The following GNAO1 variants were observed in gnomAD, a reference collection of about 807,000 sequenced individuals.
The protein encoded by GNAO1 is G protein subunit alpha o1.
For missense variants in GNAO1, 166 were observed against 478.7 expected, an observed-to-expected ratio of 0.35 and a Z score of 6.10; for synonymous variants, 164 against 180.7, an observed-to-expected ratio of 0.91 and a Z score of 0.74.
chr16:56,255,805 T>G (rs1285371487), intron 2 of GNAO1, among the ~76,000 whole-genome samples: 3 of 152,190 alleles, frequency 2.0e-5, no homozygotes, highest in Non-Finnish European at 4.4e-5. Flanking sequence ...TCTGTTATCT[T>G]TTCCCTTATA....
intron 8 of GNAO1, 40 bp downstream of exon 8, chr16:56,355,121 C>T (rs1171657634): frequency 5.2e-5 from 42 of 812,020 alleles, no homozygotes; most frequent in South Asian, 3.8e-4. Context: ...TGCGTGCGCG[C>T]GCATACACAC....
At chr16:56,226,632 G>A (rs2036535483) in intron 2 of GNAO1, 1 of 152,212 alleles carries the variant, frequency 6.6e-6, no homozygotes, top group Admixed American at 6.5e-5. Context: ...AAATGGTTTT[G>A]CTCTGGCCAT....
chr16:56,347,798 C>T, intron 6 of GNAO1: 1 of 966,256 alleles, frequency 1.0e-6, no homozygotes, highest in Non-Finnish European at 1.2e-6. Flanking sequence ...TCTCCCCTCC[C>T]CTCCACACCT....
In GNAO1 at chr16:56,328,653, A is replaced by G; in HGVS notation, c.326A>G (p.Asp109Gly). ...ERKADAKMVC[D>G]VVSRMEDTEP... is the part of the protein sequence containing the mutation. Reference sequence around the variant, plus strand: ...CAGGCTGACGCCAAGATGGTGTGTGATGTGGTGAGTCGGATGGAAGACACC... The same window carrying G: ...CAGGCTGACGCCAAGATGGTGTGTGGTGTGGTGAGTCGGATGGAAGACACC... Residue 109 changes from aspartate (D) to glycine (G), a missense_variant, in exon 4 of 9, where the codon GAT becomes GGT. Asp to Gly is a moderately conservative substitution (Grantham distance 94). Coordinates refer to ENST00000262493, the MANE Select transcript of GNAO1 (RefSeq NM_020988.3). 6.2e-7 allele frequency: 1 copy of G among 1,614,034 alleles called. No individual in the cohort carries two copies. The highest frequency in any genetic ancestry group is 8.5e-7 in the Non-Finnish European group (1 of 1,179,930).
Position 56,351,637 on chromosome 16 carries a change from G to A in GNAO1, c.877+100G>A. ...CGGCCAGCACTGCTGGGGCTAGCTGGCGAGCGGGACCCATTGCAGGAGACT... is the reference window on the plus strand; with the variant it reads ...CGGCCAGCACTGCTGGGGCTAGCTGACGAGCGGGACCCATTGCAGGAGACT... On this transcript the variant is annotated intron_variant, in intron 7 of 8. Coordinates refer to ENST00000262493, the MANE Select transcript of GNAO1 (RefSeq NM_020988.3). This position sits in a 1 kb window ranked among gnomAD's most constrained non-coding sequence, Gnocchi z 6.1. The A allele has an allele frequency of 1.1e-6, 1 of 933,072 alleles. No individual in the cohort carries two copies. Among genetic ancestry groups the A allele is most frequent in the Non-Finnish European group, 1.7e-6 (1 of 604,770 alleles). 57.8% of individuals were successfully genotyped at this position (933,072 alleles called of 1,614,324 possible).
intron 2 of GNAO1, chr16:56,235,076 G>C: frequency 3.0e-6 from 1 of 331,402 alleles, no homozygotes; most frequent in Non-Finnish European, 5.9e-6. Context: ...CCTATTCGCT[G>C]ACCAGACAAA....
At chr16:56,225,903 A>C (rs1461942943) in intron 2 of GNAO1, among the ~76,000 whole-genome samples, 1 of 151,964 alleles carries the variant, frequency 6.6e-6, no homozygotes, top group Non-Finnish European at 1.5e-5. Context: ...GAGCTTCCTG[A>C]AGGAATGAAA....
intron 7 of GNAO1, chr16:56,352,774 T>C (rs959027741): frequency 6.6e-6 from 1 of 152,362 alleles, no homozygotes; most frequent in Non-Finnish European, 1.5e-5. Flanking sequence ...GCAAGGTTCT[T>C]GCCCTTCCCA....
At chr16:56,286,693 CTCTGTGTG>C (rs1317086863) in intron 3 of GNAO1, among the ~76,000 whole-genome samples, 1 of 118,406 alleles carries the variant, frequency 8.4e-6, no homozygotes, top group African/African-American at 3.4e-5. Flanking sequence ...TCTCTGTCGC[CTCTGTGTG>C]TGTGTGTGTG....
At chr16:56,303,371 C>G (rs1329350285) in intron 3 of GNAO1, among the ~76,000 whole-genome samples, 1 of 152,190 alleles carries the variant, frequency 6.6e-6, no homozygotes, top group African/African-American at 2.4e-5. Flanking sequence ...TGGAGGCTGG[C>G]GGGCAGCCTT....
chr16:56,214,754 C>G (rs1235331170), intron 2 of GNAO1, among the ~76,000 whole-genome samples: 1 of 152,204 alleles, frequency 6.6e-6, no homozygotes, highest in South Asian at 2.1e-4. Context: ...TCCCTCTGTC[C>G]CAACCCCAAG....
chr16:56,333,994 C>T (rs530677714), intron 4 of GNAO1, among the ~76,000 whole-genome samples: 79 of 152,390 alleles, frequency 5.2e-4, no homozygotes, highest in Non-Finnish European at 9.1e-4. Context: ...TTGCAGGCAG[C>T]GTCCTCTGAG....
rs1199972523 is a variant in GNAO1, at chr16:56,192,011, C to T, written c.-225C>T. The T allele has an allele frequency of 3.4e-6, 2 of 582,876 alleles. No homozygotes were observed. The highest frequency in any genetic ancestry group is 1.9e-5 in the African/African-American group (1 of 53,472). 36.1% of individuals were successfully genotyped at this position (582,876 alleles called of 1,614,324 possible). On this transcript the variant is annotated 5_prime_UTR_variant, in exon 1 of 9. Transcript: ENST00000262493. ...CCCGGCCACCCTCGATTCGACAACCCCAGACCCCTGCCAGCTGCCGCGAGT... is the reference window on the plus strand; with the variant it reads ...CCCGGCCACCCTCGATTCGACAACCTCAGACCCCTGCCAGCTGCCGCGAGT...
At chr16:56,284,906 G>A (rs1397524294) in intron 3 of GNAO1, among the ~76,000 whole-genome samples, 1 of 152,246 alleles carries the variant, frequency 6.6e-6, no homozygotes, top group Non-Finnish European at 1.5e-5. Flanking sequence ...TCCCTCCACA[G>A]CGTTTGCCAT....
chr16:56,215,465 C>G (rs539867202), intron 2 of GNAO1, among the ~76,000 whole-genome samples: 3 of 152,330 alleles, frequency 2.0e-5, no homozygotes, highest in African/African-American at 7.2e-5. Flanking sequence ...GGCTTGAATC[C>G]TGGCAGTGCT....
At chr16:56,221,016 G>T (rs569034889) in intron 2 of GNAO1, among the ~76,000 whole-genome samples, 1 of 152,100 alleles carries the variant, frequency 6.6e-6, no homozygotes, top group Non-Finnish European at 1.5e-5. Context: ...AAAGTGCTGG[G>T]ATTACAGGCA....
intron 2 of GNAO1, among the ~76,000 whole-genome samples, chr16:56,230,859 C>G (rs1824798): frequency 0.14 from 21,478 of 152,216 alleles, 2,019 homozygotes; most frequent in African/African-American, 0.26. Flanking sequence ...CCAGCCCTTG[C>G]ATTTCTCAGA....
intron 2 of GNAO1, 32 bp from the exon 3 acceptor site, chr16:56,275,899 C>A: frequency 1.3e-6 from 2 of 1,594,278 alleles, no homozygotes; most frequent in Non-Finnish European, 1.7e-6. Flanking sequence ...ACAATGCTCT[C>A]ATCAGGTGTG....
intron 2 of GNAO1, among the ~76,000 whole-genome samples, chr16:56,262,812 A>G (rs939659765): frequency 1.3e-5 from 2 of 152,138 alleles, no homozygotes; most frequent in Admixed American, 6.5e-5. Flanking sequence ...CATTGAACCA[A>G]TTTGCCTCAC....
Sources: allele counts gnomAD v4.1 joint callset (sites outside exome capture counted in the v4.1 genomes callset), GRCh38; gene constraint gnomAD v4.1.1; non-coding constraint Gnocchi (gnomAD v3.1); transcripts MANE v1.5; gene names NCBI Gene and HGNC (gene_info 2026-07-23, HGNC 2026-07-21).